The following TMEM117 variants were observed in gnomAD, a reference collection of about 807,000 sequenced individuals.
TMEM117 encodes transmembrane protein 117.
In TMEM117, 27 loss-of-function variants were observed where a neutral mutation model predicts 52.4. That is an observed-to-expected ratio of 0.51 (90% CI 0.38 to 0.71). The LOEUF is 0.71. TMEM117 is among the 30% of genes least tolerant of loss of function. The probability of loss-of-function intolerance (pLI) is 0.00; values close to 1 mark genes in which losing one functional copy is unlikely to be tolerated. For missense variants in TMEM117, 556 were observed against 630.5 expected, an observed-to-expected ratio of 0.88 and a Z score of 1.26; for synonymous variants, 215 against 206.3, an observed-to-expected ratio of 1.04 and a Z score of -0.36.
chr12:44,104,887 CT>C lies in TMEM117; in HGVS notation c.411-38637del, dbSNP rs551056341. Among the ~76,000 whole-genome samples, 1,238 of 151,806 alleles carry C rather than the reference CT, an allele frequency of 8.2e-3. 12 individuals are homozygous for C. Among genetic ancestry groups the C allele is most frequent in the African/African-American group, 0.028 (1,179 of 41,422 alleles). ...TCTGTAGGTAAGGTATTTTTTTCCC[CT>C]GGGTTCTTTCAAGATTTTTAAAAAA... On this transcript the variant is annotated intron_variant, in intron 3 of 7. Coordinates refer to ENST00000266534, the MANE Select transcript of TMEM117 (RefSeq NM_032256.3).
chr12:43,977,858 A>G (rs1945697626), intron 3 of TMEM117, among the ~76,000 whole-genome samples: 2 of 152,168 alleles, frequency 1.3e-5, no homozygotes, highest in African/African-American at 4.8e-5. Flanking sequence ...ATGTTTAATA[A>G]CATATTGGTT....
upstream of TMEM117, among the ~76,000 whole-genome samples, chr12:43,833,424 A>T (rs1004008028): frequency 6.6e-6 from 1 of 152,154 alleles, no homozygotes; most frequent in Admixed American, 6.5e-5. Flanking sequence ...CCTCTTTCTC[A>T]ATGAAAAGGA....
At chr12:44,314,907 G>C (rs146433415) in intron 6 of TMEM117, among the ~76,000 whole-genome samples, 14 of 152,070 alleles carry the variant, frequency 9.2e-5, no homozygotes, top group African/African-American at 3.4e-4. Context: ...TTGTATGTAG[G>C]TTTTTTTGAC....
intron 3 of TMEM117, among the ~76,000 whole-genome samples, chr12:44,031,618 A>G (rs539051837): frequency 2.0e-5 from 3 of 152,194 alleles, no homozygotes; most frequent in Admixed American, 2.0e-4. Context: ...TGCTGCTGAT[A>G]CTTTGTTCTG....
At chr12:44,311,757 G>A (rs866618716) in intron 6 of TMEM117, among the ~76,000 whole-genome samples, 2 of 115,006 alleles carry the variant, frequency 1.7e-5, no homozygotes, top group African/African-American at 7.9e-5. Flanking sequence ...GTGTATATAT[G>A]TATATATATA....
intron 3 of TMEM117, among the ~76,000 whole-genome samples, chr12:43,970,855 C>T (rs1488986711): frequency 1.3e-5 from 2 of 152,004 alleles, no homozygotes; most frequent in African/African-American, 2.4e-5. Context: ...GCTTGATTCA[C>T]TGTCTTTATG....
At chr12:43,863,800 A>C (rs1943531883) in intron 2 of TMEM117, among the ~76,000 whole-genome samples, 1 of 152,158 alleles carries the variant, frequency 6.6e-6, no homozygotes, top group South Asian at 2.1e-4. Flanking sequence ...TTCTGGCCAC[A>C]CTTGAGGAGC....
At chr12:43,964,698 ATTAG>A (rs1344886494) in intron 3 of TMEM117, among the ~76,000 whole-genome samples, 4 of 152,184 alleles carry the variant, frequency 2.6e-5, no homozygotes, top group Non-Finnish European at 5.9e-5. Context: ...AGATGTCAGG[ATTAG>A]TTAGACATTG....
intron 2 of TMEM117, among the ~76,000 whole-genome samples, chr12:43,912,909 A>C (rs1944538772): frequency 1.3e-5 from 2 of 152,206 alleles, no homozygotes. Context: ...GGAGTCCTCC[A>C]AGAAAGGCTT....
chr12:44,176,350 C>A (rs114004900), intron 4 of TMEM117, among the ~76,000 whole-genome samples: 1 of 152,106 alleles, frequency 6.6e-6, no homozygotes, highest in Non-Finnish European at 1.5e-5. Context: ...GTGGAATGAA[C>A]GAGTGAATAA....
chr12:44,075,317 G>A (rs1592494824), intron 3 of TMEM117, among the ~76,000 whole-genome samples: 1 of 152,252 alleles, frequency 6.6e-6, no homozygotes, highest in East Asian at 1.9e-4. Flanking sequence ...TGCAGTAGCT[G>A]TGTGGCCTTG....
At chr12:44,265,177 C>T (rs1202455251) in intron 5 of TMEM117, among the ~76,000 whole-genome samples, 2 of 151,986 alleles carry the variant, frequency 1.3e-5, no homozygotes, top group African/African-American at 2.4e-5. Context: ...TAACGAGAAG[C>T]CAGTAAAGGA....
In TMEM117 at chr12:44,208,885, G is replaced by A. The variant is rs144494535; in HGVS notation, c.511-2405G>A. The stretch of plus-strand genomic sequence containing the variant: ...ATATAATAAGTATTTCCCAGAAAGT[G>A]CCCTGGAGAAAACATTGAAAATTGA... On this transcript the variant is annotated intron_variant, in intron 4 of 7. Transcript: ENST00000266534. Among the ~76,000 whole-genome samples, 668 of 152,036 alleles carry A rather than the reference G, an allele frequency of 4.4e-3. 4 individuals are homozygous for A. Among genetic ancestry groups the A allele is most frequent in the Non-Finnish European group, 7.0e-3 (473 of 67,918 alleles).
chr12:44,166,553 A>G (rs1302536884), intron 4 of TMEM117, among the ~76,000 whole-genome samples: 1 of 152,224 alleles, frequency 6.6e-6, no homozygotes, highest in African/African-American at 2.4e-5. Context: ...GAAATTTCAC[A>G]TCAAGTTCAG....
intron 3 of TMEM117, among the ~76,000 whole-genome samples, chr12:44,054,680 C>T (rs1238700787): frequency 6.6e-6 from 1 of 150,442 alleles, no homozygotes; most frequent in Non-Finnish European, 1.5e-5. Context: ...TGATACTTTC[C>T]TTATGGATAC....
chr12:44,257,177 G>A (rs1438560920), intron 5 of TMEM117, among the ~76,000 whole-genome samples: 2 of 151,672 alleles, frequency 1.3e-5, no homozygotes, highest in African/African-American at 4.8e-5. Context: ...AGAAGGAGAA[G>A]TTGCACACCC....
Position 43,836,083 on chromosome 12 carries a change from C to A in TMEM117, c.-142C>A, listed in dbSNP as rs544452948. ...AGCTCCGTGACAGCAGCAGCGGCAG[C>A]GACGCCGCCGGCCCGTCTCGCCGCG... On this transcript the variant is annotated 5_prime_UTR_variant, in exon 1 of 8. Transcript: ENST00000266534. 6.6e-6 allele frequency: 1 copy of A among 151,772 alleles called. No individual in the cohort carries two copies. Among genetic ancestry groups the A allele is most frequent in the Admixed American group, 6.6e-5 (1 of 15,234 alleles). The allele number at this position is 151,772 out of a possible 1,614,324, so 9.4% of individuals were successfully genotyped here.
At chr12:44,179,690 C>G (rs1949164278) in intron 4 of TMEM117, among the ~76,000 whole-genome samples, 1 of 152,224 alleles carries the variant, frequency 6.6e-6, no homozygotes, top group Admixed American at 6.5e-5. Context: ...TGGCAGTACC[C>G]TCGCAGACAC....
At chr12:44,345,045 G>C (rs911652420) in intron 6 of TMEM117, among the ~76,000 whole-genome samples, 7 of 151,966 alleles carry the variant, frequency 4.6e-5, no homozygotes, top group Admixed American at 4.6e-4. Flanking sequence ...ACTATCTGGG[G>C]ACTGGGAAGA....
Sources: allele counts gnomAD v4.1 joint callset (sites outside exome capture counted in the v4.1 genomes callset), GRCh38; gene constraint gnomAD v4.1.1; transcripts MANE v1.5; gene names NCBI Gene and HGNC (gene_info 2026-07-23, HGNC 2026-07-21).